Variants in SLC22A14 observed in about 807,000 individuals in gnomAD.
SLC22A14 encodes the protein solute carrier family 22 member 14.
A neutral mutation model predicts 53.9 loss-of-function variants in SLC22A14; 50 were observed. The observed-to-expected ratio is 0.93, with a 90% CI of 0.74 to 1.17. The LOEUF (loss-of-function observed/expected upper bound fraction) is 1.17, where lower values mean the gene tolerates loss of function less well. SLC22A14 is among the 50% of genes most tolerant of loss of function. SLC22A14 has a pLI of 0.00. For missense variants in SLC22A14, 671 were observed against 734.7 expected (o/e 0.91, Z 1.00); for synonymous variants, 312 against 303.0 (o/e 1.03, Z -0.31).
At chr3:38,298,142 C>G (rs549073396) in intron 1 of SLC22A14, among the ~76,000 whole-genome samples, 1 of 152,068 alleles carries the variant, frequency 6.6e-6, no homozygotes, top group South Asian at 2.1e-4. Context: ...TAAAATTGTC[C>G]CAGATTTGTC....
upstream of SLC22A14, among the ~76,000 whole-genome samples, chr3:38,281,787 C>T (rs936519001): frequency 2.0e-5 from 3 of 152,224 alleles, no homozygotes; most frequent in African/African-American, 7.2e-5. Context: ...CAAGGATGGT[C>T]TGCCTTGTAC....
At chr3:38,309,510 G>A (rs184913668) in intron 5 of SLC22A14, among the ~76,000 whole-genome samples, 14 of 152,300 alleles carry the variant, frequency 9.2e-5, no homozygotes, top group Admixed American at 9.1e-4. Flanking sequence ...GTGACTAGGA[G>A]CAGAAGAAAT....
chr3:38,315,272 G>A (rs546697438), intron 8 of SLC22A14, among the ~76,000 whole-genome samples: 18 of 152,376 alleles, frequency 1.2e-4, no homozygotes, highest in African/African-American at 2.6e-4. Flanking sequence ...GAGGTGGAAC[G>A]AAGACACAGC....
chr3:38,292,771 T>C (rs1703941400), intron 1 of SLC22A14, among the ~76,000 whole-genome samples: 1 of 152,146 alleles, frequency 6.6e-6, no homozygotes, highest in Admixed American at 6.5e-5. Flanking sequence ...TTCCTTCTCC[T>C]ATGTTCGGGT....
At chr3:38,309,827 C>T (rs1038414717) in intron 5 of SLC22A14, among the ~76,000 whole-genome samples, 1 of 152,134 alleles carries the variant, frequency 6.6e-6, no homozygotes, top group African/African-American at 2.4e-5. Context: ...AAGGGTTAGG[C>T]AGTTCTGCAT....
At position 38,316,381 on chromosome 3, in the gene SLC22A14, G is replaced by A. The variant is rs1464798388; in HGVS notation, c.1590G>A (p.Leu530=). The A allele has an allele frequency of 1.9e-6, 3 of 1,614,152 alleles. No individual in the cohort carries two copies. Among genetic ancestry groups the A allele is most frequent in the Non-Finnish European group, 2.5e-6 (3 of 1,180,022 alleles). The change falls in exon 10 of 11, where the codon CTG becomes CTA. Residue 530 remains leucine (L), a synonymous_variant. Transcript: ENST00000448498. ...LASVAGAILS[L]TIISQTPSLL... Reference sequence around the variant, plus strand: ...CGGTGGCTGGAGCCATCTTGTCCCTGACAATCATCAGCCAGACCCCCTCCC... The same window carrying A: ...CGGTGGCTGGAGCCATCTTGTCCCTAACAATCATCAGCCAGACCCCCTCCC...
intron 1 of SLC22A14, among the ~76,000 whole-genome samples, chr3:38,291,873 C>G (rs910782730): frequency 8.5e-5 from 13 of 152,178 alleles, no homozygotes; most frequent in African/African-American, 3.1e-4. Context: ...GGCTATTTCG[C>G]CATACCTGGG....
intron 5 of SLC22A14, among the ~76,000 whole-genome samples, chr3:38,311,571 A>G (rs912187668): frequency 6.6e-6 from 1 of 152,222 alleles, no homozygotes; most frequent in African/African-American, 2.4e-5. Context: ...TTTTACTATA[A>G]GTAGTCAAGA....
Position 38,313,880 on chromosome 3 carries a change from C to T in SLC22A14, c.1317C>T (p.Ser439=). 1 of 1,614,014 alleles carries T rather than the reference C, an allele frequency of 6.2e-7. No individual in the cohort carries two copies. The highest frequency in any genetic ancestry group is 8.5e-7 in the Non-Finnish European group (1 of 1,179,998). ...TCCAGCAGATTGGGAGGAAGTGGAG[C>T]CTGGCTGTGACTCTCCTCCAAGCCA... ...FLLQQIGRKW[S]LAVTLLQAII... is the part of the protein sequence containing the mutation. The change falls in exon 8 of 11, where the codon AGC becomes AGT. Residue 439 remains serine, a synonymous_variant. Transcript: ENST00000448498.
chr3:38,286,996 C>A (rs1336354085), intron 1 of SLC22A14, among the ~76,000 whole-genome samples: 1 of 152,146 alleles, frequency 6.6e-6, no homozygotes. Context: ...CTTGGCCTCC[C>A]AAAGTACTGG....
chr3:38,313,263 CCT>C, intron 6 of SLC22A14, 123 bp from the exon 7 acceptor site: 1 of 1,430,994 alleles, frequency 7.0e-7, no homozygotes, highest in Non-Finnish European at 9.8e-7. Context: ...AAAATTGAAC[CCT>C]GCCAGGGAAG....
chr3:38,281,033 G>C (rs1436787555), upstream of SLC22A14, among the ~76,000 whole-genome samples: 9 of 152,210 alleles, frequency 5.9e-5, no homozygotes, highest in Admixed American at 3.9e-4. Flanking sequence ...TGTGCTGTCT[G>C]CTTGGTCCCT....
intron 7 of SLC22A14, 114 bp from the exon 8 acceptor site, chr3:38,313,613 T>A: frequency 1.0e-6 from 1 of 957,888 alleles, no homozygotes; most frequent in Non-Finnish European, 1.7e-6. Context: ...GTCTCTGTGC[T>A]TATTTCTCTC....
At chr3:38,288,768 G>A (rs1703844676) in intron 1 of SLC22A14, among the ~76,000 whole-genome samples, 1 of 152,070 alleles carries the variant, frequency 6.6e-6, no homozygotes, top group African/African-American at 2.4e-5. Context: ...CCTAATGGGT[G>A]TCTTGTATGT....
At chr3:38,282,574 G>A (rs567238578) in intron 1 of SLC22A14, among the ~76,000 whole-genome samples, 2 of 152,278 alleles carry the variant, frequency 1.3e-5, no homozygotes, top group Admixed American at 1.3e-4. Flanking sequence ...GCGGCAGGTG[G>A]AGTGCTCCTC....
intron 1 of SLC22A14, among the ~76,000 whole-genome samples, chr3:38,299,001 T>C (rs1704103770): frequency 6.6e-6 from 1 of 152,246 alleles, no homozygotes; most frequent in Non-Finnish European, 1.5e-5. Flanking sequence ...CTAACTAGGG[T>C]AACAGTACTT....
At chr3:38,288,529 C>T (rs1199004126) in intron 1 of SLC22A14, among the ~76,000 whole-genome samples, 3 of 152,182 alleles carry the variant, frequency 2.0e-5, no homozygotes, top group Non-Finnish European at 4.4e-5. Flanking sequence ...GGTGGCTACA[C>T]CCTTTTACAT....
chr3:38,311,437 C>T (rs1253407131), intron 5 of SLC22A14, among the ~76,000 whole-genome samples: 1 of 152,210 alleles, frequency 6.6e-6, no homozygotes, highest in African/African-American at 2.4e-5. Context: ...GGTGTTCTCT[C>T]CCAAACACAC....
chr3:38,305,657 AGGTCCCTAGAGACC>A, intron 1 of SLC22A14: 8 of 184,998 alleles, frequency 4.3e-5, no homozygotes, highest in East Asian at 1.5e-4. Context: ...TTTGAAGAAA[AGGTCCCTAGAGACC>A]TCTCCTACCT....
Sources: allele counts gnomAD v4.1 joint callset (sites outside exome capture counted in the v4.1 genomes callset), GRCh38; gene constraint gnomAD v4.1.1; transcripts MANE v1.5; gene names NCBI Gene and HGNC (gene_info 2026-07-23, HGNC 2026-07-21).